FNDC3B: variants seen among roughly 807,000 people sequenced by gnomAD.
FNDC3B encodes the protein fibronectin type III domain containing 3B, also known as fibronectin type III domain-containing protein 3B.
FNDC3B carries 12 observed loss-of-function variants against 151.5 expected under a neutral mutation model. The ratio of observed to expected loss-of-function variants is 0.08; its 90% CI spans 0.05 to 0.13. The LOEUF (loss-of-function observed/expected upper bound fraction) is 0.13, where lower values mean the gene tolerates loss of function less well. Ranked by LOEUF, FNDC3B falls within the 10% of genes least tolerant of loss-of-function variation. FNDC3B has a pLI of 1.00. For missense variants in FNDC3B, 1,214 were observed against 1,505.3 expected, an observed-to-expected ratio of 0.81 and a Z score of 3.20; for synonymous variants, 528 against 549.0, an observed-to-expected ratio of 0.96 and a Z score of 0.54.
chr3:172,313,759 T>C (rs1014531295), intron 11 of FNDC3B, among the ~76,000 whole-genome samples: 5 of 152,154 alleles, frequency 3.3e-5, no homozygotes, highest in South Asian at 2.1e-4. Context: ...CATCCCCTTA[T>C]AAAGATGAAA....
At chr3:172,307,130 A>G (rs556602920) in intron 9 of FNDC3B, 9 of 492,744 alleles carry the variant, frequency 1.8e-5, no homozygotes, top group Admixed American at 1.7e-4. Flanking sequence ...GATCCTGCCT[A>G]TCTTGAAATG....
intron 3 of FNDC3B, among the ~76,000 whole-genome samples, chr3:172,157,599 C>G (rs1000521810): frequency 6.6e-6 from 1 of 152,168 alleles, no homozygotes; most frequent in Non-Finnish European, 1.5e-5. Context: ...CATCTGTTCT[C>G]CATCTCTAAA....
intron 3 of FNDC3B, among the ~76,000 whole-genome samples, chr3:172,148,163 T>C (rs1195377106): frequency 6.6e-6 from 1 of 152,100 alleles, no homozygotes; most frequent in African/African-American, 2.4e-5. Flanking sequence ...ATAATAAGAA[T>C]AAATATGATT....
intron 3 of FNDC3B, among the ~76,000 whole-genome samples, chr3:172,148,374 TA>T (rs111712874): frequency 6.6e-6 from 1 of 151,396 alleles, no homozygotes. Flanking sequence ...ATGTGGAGGG[TA>T]AAAAAAATAG....
intron 23 of FNDC3B, among the ~76,000 whole-genome samples, chr3:172,375,217 T>G (rs938889166): frequency 2.0e-5 from 3 of 152,156 alleles, no homozygotes; most frequent in Non-Finnish European, 4.4e-5. Context: ...CACTTCAGAG[T>G]GAGATGACTG....
intron 25 of FNDC3B, among the ~76,000 whole-genome samples, chr3:172,390,916 T>G (rs1735976775): frequency 6.6e-6 from 1 of 152,092 alleles, no homozygotes; most frequent in Non-Finnish European, 1.5e-5. Context: ...ATTTAGAAGG[T>G]CTTTCATGGA....
intron 11 of FNDC3B, among the ~76,000 whole-genome samples, chr3:172,320,337 T>C (rs942242101): frequency 6.6e-5 from 10 of 151,698 alleles, no homozygotes; most frequent in Non-Finnish European, 1.3e-4. Context: ...CCGAGATCAT[T>C]CCACTGCACT....
intron 3 of FNDC3B, among the ~76,000 whole-genome samples, chr3:172,144,303 C>G (rs896469790): frequency 1.3e-5 from 2 of 152,170 alleles, no homozygotes; most frequent in African/African-American, 4.8e-5. Context: ...AATCCAGTCA[C>G]CTCCCAGCAG....
intron 3 of FNDC3B, among the ~76,000 whole-genome samples, chr3:172,167,123 C>T (rs1229830985): frequency 6.6e-6 from 1 of 152,196 alleles, no homozygotes; most frequent in Non-Finnish European, 1.5e-5. Context: ...GGGCCGGGTA[C>T]ATTGGCTCAC....
rs192493133 is a variant in FNDC3B, at chr3:172,134,446, G to C, written c.187+900G>C. The C allele has an allele frequency of 1.1e-3, 576 of 509,858 alleles. 5 individuals carry two copies. The highest frequency in any genetic ancestry group is 0.01 in the African/African-American group (530 of 51,986). The allele number at this position is 509,858 out of a possible 1,614,324, so 31.6% of individuals were successfully genotyped here. On this transcript the variant is annotated intron_variant, in intron 3 of 25. Coordinates refer to ENST00000415807, the MANE Select transcript of FNDC3B (RefSeq NM_022763.4). ...GGTAAATGGCATGCAATTGAGATCA[G>C]TATTAGGTTATTAATTGAACTGGAA...
At chr3:172,145,465 T>C (rs1032756617) in intron 3 of FNDC3B, among the ~76,000 whole-genome samples, 2 of 152,230 alleles carry the variant, frequency 1.3e-5, no homozygotes, top group Non-Finnish European at 2.9e-5. Context: ...ACTTATCTCA[T>C]GTAAATGTCA....
chr3:172,207,985 G>A (rs1255829266), intron 3 of FNDC3B, among the ~76,000 whole-genome samples: 1 of 152,144 alleles, frequency 6.6e-6, no homozygotes, highest in African/African-American at 2.4e-5. Context: ...AAATTAAAGG[G>A]TTGAAGTGTA....
At chr3:172,193,037 T>C (rs1229283482) in intron 3 of FNDC3B, among the ~76,000 whole-genome samples, 1 of 152,028 alleles carries the variant, frequency 6.6e-6, no homozygotes, top group Non-Finnish European at 1.5e-5. Context: ...TAATTGCTTA[T>C]TTTTGTCCTT....
At chr3:172,192,277 A>T (rs1432852343) in intron 3 of FNDC3B, among the ~76,000 whole-genome samples, 1 of 150,450 alleles carries the variant, frequency 6.6e-6, no homozygotes, top group East Asian at 2.0e-4. Flanking sequence ...GGTACAAGCG[A>T]TTCTCCTGCC....
intron 1 of FNDC3B, among the ~76,000 whole-genome samples, chr3:172,088,125 A>AT (rs931039042): frequency 1.3e-5 from 2 of 152,052 alleles, no homozygotes; most frequent in African/African-American, 4.8e-5. Context: ...TGTGACCTAA[A>AT]TGAGTGTTGT....
intron 1 of FNDC3B, among the ~76,000 whole-genome samples, chr3:172,070,293 G>A (rs1185605693): frequency 6.8e-6 from 1 of 146,826 alleles, no homozygotes; most frequent in Non-Finnish European, 1.5e-5. Flanking sequence ...TGTCAATAGA[G>A]TGCAACCTTT....
chr3:172,133,751 G>A (rs1381925403), intron 3 of FNDC3B: 1 of 595,694 alleles, frequency 1.7e-6, no homozygotes, highest in South Asian at 1.7e-5. Context: ...AATCTGTATT[G>A]GGTATCTGTT....
intron 3 of FNDC3B, among the ~76,000 whole-genome samples, chr3:172,143,521 AATATTTT>A (rs1367861459): frequency 1.3e-5 from 2 of 152,112 alleles, no homozygotes; most frequent in African/African-American, 4.8e-5. Flanking sequence ...TAATTTTATT[AATATTTT>A]ATGTTTTCTT....
chr3:172,323,243 G>A (rs2108274151), intron 11 of FNDC3B, among the ~76,000 whole-genome samples: 2 of 152,126 alleles, frequency 1.3e-5, no homozygotes, highest in Middle Eastern at 6.8e-3. Context: ...GGCAGAGCTG[G>A]ACATGGTAGC....
Sources: allele counts gnomAD v4.1 joint callset (sites outside exome capture counted in the v4.1 genomes callset), GRCh38; gene constraint gnomAD v4.1.1; transcripts MANE v1.5; gene names NCBI Gene and HGNC (gene_info 2026-07-23, HGNC 2026-07-21).